STX19: variants seen among roughly 807,000 people sequenced by gnomAD.
STX19 encodes the protein syntaxin 19.
A neutral mutation model predicts 24.3 loss-of-function variants in STX19; 26 were observed. The ratio of observed to expected loss-of-function variants is 1.07; its 90% CI spans 0.78 to 1.48. The LOEUF (loss-of-function observed/expected upper bound fraction) is 1.48, where lower values mean the gene tolerates loss of function less well. STX19 is among the 40% of genes most tolerant of loss of function. The probability of loss-of-function intolerance (pLI) is 0.00; values close to 1 mark genes in which losing one functional copy is unlikely to be tolerated. For missense variants in STX19, 367 were observed against 331.9 expected (o/e 1.11, Z -0.82); for synonymous variants, 116 against 106.9 (o/e 1.09, Z -0.52).
At chr3:94,022,366 T>A (rs926646541) in intron 1 of STX19, among the ~76,000 whole-genome samples, 2 of 152,132 alleles carry the variant, frequency 1.3e-5, no homozygotes, top group African/African-American at 4.8e-5. Flanking sequence ...CCTCAAGTGA[T>A]CCACCCGCCT....
At chr3:94,027,749 G>T (rs2107057879) in intron 1 of STX19, among the ~76,000 whole-genome samples, 1 of 151,978 alleles carries the variant, frequency 6.6e-6, no homozygotes, top group East Asian at 1.9e-4. Context: ...TCAATTAAAT[G>T]CTAACACTTA....
At chr3:94,022,886 C>A (rs949613524) in intron 1 of STX19, among the ~76,000 whole-genome samples, 4 of 151,926 alleles carry the variant, frequency 2.6e-5, no homozygotes, top group Non-Finnish European at 4.4e-5. Flanking sequence ...TAATTTTGTA[C>A]ATACATCACT....
In STX19 at chr3:94,027,935, A is replaced by T. The variant is rs576901876; in HGVS notation, c.-14+432T>A. ...TAAGACCATTATAGCAAATTATTTC[A>T]GATTTTTAAGGTTATACGTATGTGT... On this transcript the variant is annotated intron_variant, in intron 1 of 1. Coordinates refer to ENST00000315099, the MANE Select transcript of STX19 (RefSeq NM_001001850.3). 4.6e-5 allele frequency among the ~76,000 whole-genome samples: 7 copies of T among 152,272 alleles called. No homozygotes were observed. In the East Asian group the frequency reaches 1.3e-3, roughly 29 times the overall value.
At position 94,014,785 on chromosome 3, in the gene STX19, C is replaced by A. The variant is rs754526314; in HGVS notation, c.485G>T (p.Cys162Phe). The A allele has an allele frequency of 1.5e-5, 25 of 1,613,822 alleles. 1 individual carries two copies. Among genetic ancestry groups the A allele is most frequent in the Non-Finnish European group, 1.9e-5 (23 of 1,179,966 alleles). Reference protein sequence around the residue: ...NDTIAAKQEKCKTFILRQLEV... With the variant: ...NDTIAAKQEKFKTFILRQLEV... ...AAGCTGACGTAAAATAAATGTCTTG[C>A]ACTTCTCTTGCTTTGCTGCTATTGT... Residue 162 changes from cysteine to phenylalanine, a missense_variant, in exon 2 of 2, where the codon TGC becomes TTC. Physicochemically the swap from Cys to Phe is radical, Grantham distance 205. Transcript: ENST00000315099.
chr3:94,017,648 A>G (rs959405991), intron 1 of STX19, among the ~76,000 whole-genome samples: 2 of 152,232 alleles, frequency 1.3e-5, no homozygotes, highest in Non-Finnish European at 2.9e-5. Flanking sequence ...TAGGGTGAGA[A>G]GGACAATATA....
rs1199749903 is a variant in STX19 at position 94,015,204 on chromosome 3, A to G, written c.66T>C (p.His22=). ...TKEIELSRDS[H]VSTTETEEQG... ...GTTCCTCTGTTTCTGTAGTTGATAC[A>G]TGACTGTCTCTAGAGAGTTCAATTT... The change falls in exon 2 of 2, where the codon CAT becomes CAC. Residue 22 remains histidine, a synonymous_variant. Transcript: ENST00000315099. The G allele has an allele frequency of 2.5e-6, 4 of 1,612,276 alleles. No individual in the cohort carries two copies. Among genetic ancestry groups the G allele is most frequent in the Non-Finnish European group, 3.4e-6 (4 of 1,179,512 alleles).
chr3:94,023,151 A>C (rs2076485256), intron 1 of STX19, among the ~76,000 whole-genome samples: 1 of 152,072 alleles, frequency 6.6e-6, no homozygotes, highest in Admixed American at 6.5e-5. Context: ...ATGCAATGAT[A>C]ATTTTCATTA....
chr3:94,019,682 C>T (rs6791811), intron 1 of STX19, among the ~76,000 whole-genome samples: 51,541 of 151,572 alleles, frequency 0.34, 10,837 homozygotes, highest in East Asian at 0.55. Flanking sequence ...CCTCCTTTGG[C>T]ATTATCTCTT....
intron 1 of STX19, among the ~76,000 whole-genome samples, chr3:94,021,946 G>A (rs1207034948): frequency 2.0e-5 from 3 of 152,016 alleles, no homozygotes; most frequent in Non-Finnish European, 1.5e-5. Flanking sequence ...GTCATGTCAA[G>A]GCTTCTAAAG....
chr3:94,027,896 A>C (rs1047226941), intron 1 of STX19, among the ~76,000 whole-genome samples: 1 of 152,128 alleles, frequency 6.6e-6, no homozygotes, highest in Non-Finnish European at 1.5e-5. Flanking sequence ...TCTAGTAAAC[A>C]ACAATGAAGC....
intron 1 of STX19, among the ~76,000 whole-genome samples, chr3:94,020,491 C>G (rs892268752): frequency 6.6e-6 from 1 of 152,022 alleles, no homozygotes; most frequent in Non-Finnish European, 1.5e-5. Flanking sequence ...CATAGCATAG[C>G]TTTACTATGC....
At chr3:94,022,524 AATACAGTT>A (rs1267804236) in intron 1 of STX19, among the ~76,000 whole-genome samples, 1 of 151,884 alleles carries the variant, frequency 6.6e-6, no homozygotes, top group Non-Finnish European at 1.5e-5. Context: ...TCCCCCTTTT[AATACAGTT>A]ATATCACAAA....
intron 1 of STX19, among the ~76,000 whole-genome samples, chr3:94,019,987 C>G (rs2076414702): frequency 6.6e-6 from 1 of 152,214 alleles, no homozygotes; most frequent in Non-Finnish European, 1.5e-5. Flanking sequence ...CTTCTTTCAA[C>G]TCTCTGACCC....
At position 94,014,720 on chromosome 3, in the gene STX19, C is replaced by G; in HGVS notation, c.550G>C (p.Asp184His). ...GKEMSEEDVN[D>H]MLHQGKWEVF... Reference sequence around the variant, plus strand: ...TCCCATTTTCCTTGATGAAGCATATCATTTACATCTTCTTCAGACATCTCT... The same window carrying G: ...TCCCATTTTCCTTGATGAAGCATATGATTTACATCTTCTTCAGACATCTCT... The change falls in exon 2 of 2, where the codon GAT becomes CAT. Residue 184 changes from aspartate (D) to histidine (H), a missense_variant. Coordinates refer to ENST00000315099, the MANE Select transcript of STX19 (RefSeq NM_001001850.3). The G allele has an allele frequency of 6.2e-7, 1 of 1,612,916 alleles. No homozygotes were observed. The highest frequency in any genetic ancestry group is 8.5e-7 in the Non-Finnish European group (1 of 1,179,718).
At chr3:94,027,390 T>G (rs2076579763) in intron 1 of STX19, among the ~76,000 whole-genome samples, 1 of 152,054 alleles carries the variant, frequency 6.6e-6, no homozygotes, top group Admixed American at 6.6e-5. Context: ...CTACATTTTA[T>G]TTAGTCTAAA....
chr3:94,024,131 T>C (rs1169486391), intron 1 of STX19, among the ~76,000 whole-genome samples: 2 of 152,216 alleles, frequency 1.3e-5, no homozygotes, highest in African/African-American at 4.8e-5. Context: ...TTTTTAAAAA[T>C]TAATTAATTA....
chr3:94,026,916 C>A (rs2076569713), intron 1 of STX19, among the ~76,000 whole-genome samples: 1 of 152,022 alleles, frequency 6.6e-6, no homozygotes, highest in South Asian at 2.1e-4. Flanking sequence ...ACAACTTGTT[C>A]TGGGAAATAG....
At chr3:94,021,572 G>A (rs1020640148) in intron 1 of STX19, among the ~76,000 whole-genome samples, 3 of 152,120 alleles carry the variant, frequency 2.0e-5, no homozygotes, top group Non-Finnish European at 2.9e-5. Context: ...AAGTAATGTG[G>A]AAACTTTTTA....
chr3:94,019,883 C>T (rs1293790689), intron 1 of STX19, among the ~76,000 whole-genome samples: 3 of 152,164 alleles, frequency 2.0e-5, no homozygotes, highest in East Asian at 3.9e-4. Context: ...GTGTTCTTTC[C>T]CATGTAGTAT....
Sources: allele counts gnomAD v4.1 joint callset (sites outside exome capture counted in the v4.1 genomes callset), GRCh38; gene constraint gnomAD v4.1.1; transcripts MANE v1.5; gene names NCBI Gene and HGNC (gene_info 2026-07-23, HGNC 2026-07-21).